Variants in SCHIP1 observed in about 807,000 individuals in gnomAD.
SCHIP1 encodes schwannomin-interacting protein 1.
In SCHIP1, 8 loss-of-function variants were observed where a neutral mutation model predicts 29.7. The observed-to-expected ratio is 0.27, with a 90% confidence interval of 0.16 to 0.49. SCHIP1 has a LOEUF of 0.49. Ranked by LOEUF, SCHIP1 falls within the 20% of genes least tolerant of loss-of-function variation. The probability of loss-of-function intolerance (pLI) is 0.99; values close to 1 mark genes in which losing one functional copy is unlikely to be tolerated. For missense variants in SCHIP1, 193 were observed against 294.6 expected (o/e 0.66, Z 2.52); for synonymous variants, 76 against 94.9 (o/e 0.80, Z 1.16).
the SCHIP1 span, among the ~76,000 whole-genome samples, chr3:159,770,556 G>T: frequency 6.6e-6 from 1 of 152,174 alleles, no homozygotes; most frequent in East Asian, 1.9e-4. Context: ...ACTGTGCCGG[G>T]CCTGAATATA....
At chr3:159,668,910 G>GA in the SCHIP1 span, among the ~76,000 whole-genome samples, 162 of 149,630 alleles carry the variant, frequency 1.1e-3, no homozygotes, top group South Asian at 4.0e-3. Flanking sequence ...TATCTAAAAG[G>GA]AAAAAAAAAA....
At chr3:159,566,972 T>A in the SCHIP1 span, among the ~76,000 whole-genome samples, 1 of 152,314 alleles carries the variant, frequency 6.6e-6, no homozygotes, top group East Asian at 1.9e-4. Flanking sequence ...TTGTTTCACA[T>A]CTTTCTAATT....
At chr3:159,595,398 G>A in the SCHIP1 span, among the ~76,000 whole-genome samples, 1 of 152,050 alleles carries the variant, frequency 6.6e-6, no homozygotes, top group African/African-American at 2.4e-5. Flanking sequence ...GGGAGGTGGG[G>A]GGTGAAATGA....
At chr3:159,367,526 C>A in the SCHIP1 span, among the ~76,000 whole-genome samples, 1 of 152,100 alleles carries the variant, frequency 6.6e-6, no homozygotes, top group African/African-American at 2.4e-5. Context: ...TATGTTGTAG[C>A]TTGTGATTTG....
chr3:159,742,247 T>A, the SCHIP1 span, among the ~76,000 whole-genome samples: 1 of 152,060 alleles, frequency 6.6e-6, no homozygotes, highest in Non-Finnish European at 1.5e-5. Context: ...ATGCAGTTGA[T>A]TGCGCTTCTT....
the SCHIP1 span, among the ~76,000 whole-genome samples, chr3:159,433,853 G>A: frequency 1.8e-4 from 28 of 152,196 alleles, no homozygotes; most frequent in Middle Eastern, 0.01. Context: ...AGTAGGTGCC[G>A]AATAAATATT....
chr3:159,327,001 T>TA, the SCHIP1 span, among the ~76,000 whole-genome samples: 1 of 152,228 alleles, frequency 6.6e-6, no homozygotes, highest in East Asian at 1.9e-4. Flanking sequence ...GATCATTTAA[T>TA]ATGAGGATAA....
chr3:159,885,153 A>C lies in SCHIP1; in HGVS notation c.150-1054A>C, dbSNP rs530618851. ...GGAATTGAAAAGTCAAATCTCAGGT[A>C]AGTTGTTCTTGGCATTTCTTCCTAT... On this transcript the variant is annotated intron_variant, in intron 2 of 6. Transcript: ENST00000445224. Among the ~76,000 whole-genome samples, 3 of 152,306 alleles carry C rather than the reference A, an allele frequency of 2.0e-5. No individual in the cohort carries two copies. In the East Asian group the frequency reaches 5.8e-4, roughly 29 times the overall value.
chr3:159,691,410 C>T, the SCHIP1 span, among the ~76,000 whole-genome samples: 117 of 144,788 alleles, frequency 8.1e-4, no homozygotes, highest in Admixed American at 2.1e-3. Context: ...AGGATTGCAA[C>T]CCCTGCTTTT....
chr3:159,507,248 T>C, the SCHIP1 span, among the ~76,000 whole-genome samples: 1 of 151,978 alleles, frequency 6.6e-6, no homozygotes, highest in East Asian at 1.9e-4. Context: ...GGGAGTTCAC[T>C]CATGATTTGG....
the SCHIP1 span, among the ~76,000 whole-genome samples, chr3:159,706,948 G>A: frequency 1.3e-5 from 2 of 152,148 alleles, no homozygotes; most frequent in African/African-American, 4.8e-5. Flanking sequence ...TCAGACACTC[G>A]TTATGTGTCC....
chr3:159,855,248 T>C (rs1680594131), intron 1 of SCHIP1, among the ~76,000 whole-genome samples: 1 of 152,246 alleles, frequency 6.6e-6, no homozygotes, highest in Admixed American at 6.5e-5. Context: ...TATGAAGACT[T>C]CATTATAATT....
the SCHIP1 span, among the ~76,000 whole-genome samples, chr3:159,284,795 C>T: frequency 6.6e-6 from 1 of 152,028 alleles, no homozygotes; most frequent in African/African-American, 2.4e-5. Context: ...CCACGCCTGG[C>T]CAACTTTAGG....
the SCHIP1 span, among the ~76,000 whole-genome samples, chr3:159,488,565 G>T: frequency 1.3e-5 from 2 of 152,160 alleles, no homozygotes; most frequent in East Asian, 3.9e-4. Context: ...GGAGGGCAGA[G>T]CTGAGAGACA....
At chr3:159,606,614 G>A in the SCHIP1 span, among the ~76,000 whole-genome samples, 1 of 152,192 alleles carries the variant, frequency 6.6e-6, no homozygotes, top group Non-Finnish European at 1.5e-5. Flanking sequence ...TAAGAAGGAT[G>A]GCAGGACACC....
chr3:159,521,523 G>A, the SCHIP1 span, among the ~76,000 whole-genome samples: 1 of 152,206 alleles, frequency 6.6e-6, no homozygotes, highest in East Asian at 1.9e-4. Context: ...CCTTTAGACA[G>A]GGAGTTACCT....
the SCHIP1 span, among the ~76,000 whole-genome samples, chr3:159,643,457 C>T: frequency 6.6e-6 from 1 of 152,196 alleles, no homozygotes; most frequent in African/African-American, 2.4e-5. Flanking sequence ...CCATTACTGT[C>T]ATACATCCTA....
At chr3:159,651,941 C>A in the SCHIP1 span, among the ~76,000 whole-genome samples, 3 of 151,950 alleles carry the variant, frequency 2.0e-5, no homozygotes, top group South Asian at 6.2e-4. Context: ...TTAAAAATAC[C>A]AAAAATTAGC....
chr3:159,321,610 A>C, the SCHIP1 span, among the ~76,000 whole-genome samples: 1 of 152,080 alleles, frequency 6.6e-6, no homozygotes, highest in Non-Finnish European at 1.5e-5. Context: ...ACATGTGCAC[A>C]ATGTGCAGGT....
Sources: allele counts gnomAD v4.1 joint callset (sites outside exome capture counted in the v4.1 genomes callset), GRCh38; gene constraint gnomAD v4.1.1; transcripts MANE v1.5; gene names NCBI Gene and HGNC (gene_info 2026-07-23, HGNC 2026-07-21).